The following FANCM variants were observed in gnomAD, a reference collection of about 807,000 sequenced individuals.
FANCM encodes Fanconi anemia group M protein.
In FANCM, 140 loss-of-function variants were observed where a neutral mutation model predicts 199.5. That is an observed-to-expected ratio of 0.70 (90% CI 0.61 to 0.81). FANCM has a LOEUF of 0.81. Among genes scored for constraint, FANCM ranks in the 30% least tolerant of loss-of-function variants. The pLI is 0.00. For missense variants in FANCM, 2,410 were observed against 2,421.4 expected, an observed-to-expected ratio of 1.00 and a Z score of 0.10; for synonymous variants, 840 against 836.8, an observed-to-expected ratio of 1.00 and a Z score of -0.07.
intron 17 of FANCM, among the ~76,000 whole-genome samples, chr14:45,184,138 C>G (rs545686821): frequency 1.3e-5 from 2 of 151,680 alleles, no homozygotes; most frequent in African/African-American, 4.8e-5. Flanking sequence ...TACCAAAAAA[C>G]TCAAGTGTAT....
At position 45,155,384 on chromosome 14, in the gene FANCM, A is replaced by G; in HGVS notation, c.1321A>G (p.Lys441Glu). 1 of 1,376,532 alleles carries G rather than the reference A, an allele frequency of 7.3e-7. No homozygotes were observed. Among genetic ancestry groups the G allele is most frequent in the Non-Finnish European group, 1.0e-6 (1 of 968,066 alleles). 85.3% of individuals were successfully genotyped at this position (1,376,532 alleles called of 1,614,324 possible). The change falls in exon 8 of 23, where the codon AAA becomes GAA. Residue 441 changes from lysine to glutamate, a missense_variant. Coordinates refer to ENST00000267430, the MANE Select transcript of FANCM (RefSeq NM_020937.4). Reference protein sequence around the residue: ...ISAIQQGDKNKKFVYSHPKLK... With the variant: ...ISAIQQGDKNEKFVYSHPKLK... Reference sequence around the variant, plus strand: ...TTGTTTTGTTCCAGGAGATAAAAATAAAAAATTTGTTTATAGTCATCCAAA... The same window carrying G: ...TTGTTTTGTTCCAGGAGATAAAAATGAAAAATTTGTTTATAGTCATCCAAA...
chr14:45,184,100 C>T (rs1889238167), intron 17 of FANCM, among the ~76,000 whole-genome samples, 198 bp downstream of exon 17: 1 of 151,616 alleles, frequency 6.6e-6, no homozygotes, highest in Non-Finnish European at 1.5e-5. Context: ...GATGCTTTAT[C>T]TTGCAGTGTT....
chr14:45,199,103 G>C (rs796104425), intron 22 of FANCM, among the ~76,000 whole-genome samples, 168 bp downstream of exon 22: 22 of 152,214 alleles, frequency 1.4e-4, no homozygotes, highest in African/African-American at 5.1e-4. Context: ...ATGAAGCTAA[G>C]GGACATTATT....
At chr14:45,179,719 G>A (rs1325805750) in intron 14 of FANCM, among the ~76,000 whole-genome samples, 2 of 151,622 alleles carry the variant, frequency 1.3e-5, no homozygotes, top group South Asian at 2.1e-4. Flanking sequence ...CTGCCACCAC[G>A]CCCGACTAAT....
chr14:45,185,263 AAGATGCAGAATATGTTTCATC>A lies in FANCM; in HGVS notation c.4568_4588del (p.Ala1523_Asp1529del). 1 of 1,604,566 alleles carries A rather than the reference AAGATGCAGAATATGTTTCATC, an allele frequency of 6.2e-7. No homozygotes were observed. Among genetic ancestry groups the A allele is most frequent in the Non-Finnish European group, 8.5e-7 (1 of 1,172,364 alleles). On this transcript the variant is annotated inframe_deletion, in exon 18 of 23. Coordinates refer to ENST00000267430, the MANE Select transcript of FANCM (RefSeq NM_020937.4). ...GATGATGAAGCAGAACTTTCTGAAG[AAGATGCAGAATATGTTTCATC>A]AGATGAAAATGATGAGTCAGAAAAT...
At chr14:45,199,494 A>G (rs1890245808) in intron 22 of FANCM, among the ~76,000 whole-genome samples, 1 of 152,214 alleles carries the variant, frequency 6.6e-6, no homozygotes, top group African/African-American at 2.4e-5. Context: ...GTATCCTCAC[A>G]TGGCAGAAAT....
intron 11 of FANCM, among the ~76,000 whole-genome samples, chr14:45,169,905 T>C (rs1481489430): frequency 2.6e-5 from 4 of 152,194 alleles, no homozygotes; most frequent in African/African-American, 9.6e-5. Flanking sequence ...TTACTCATTT[T>C]GCCCCAACCC....
At chr14:45,199,365 G>A (rs1247904849) in intron 22 of FANCM, among the ~76,000 whole-genome samples, 1 of 152,202 alleles carries the variant, frequency 6.6e-6, no homozygotes, top group Non-Finnish European at 1.5e-5. Flanking sequence ...ATGCTGCAAT[G>A]ATAAAATACA....
At chr14:45,193,568 A>T (rs909767347) in intron 20 of FANCM, among the ~76,000 whole-genome samples, 1 of 152,200 alleles carries the variant, frequency 6.6e-6, no homozygotes. Context: ...TTCGTTAATG[A>T]TATAAAAGTC....
intron 3 of FANCM, among the ~76,000 whole-genome samples, chr14:45,147,863 C>G (rs1257413772): frequency 6.8e-6 from 1 of 147,664 alleles, no homozygotes; most frequent in Non-Finnish European, 1.5e-5. Flanking sequence ...TGCCATTGCA[C>G]TGCAGCCTGG....
intron 20 of FANCM, among the ~76,000 whole-genome samples, chr14:45,193,991 G>C (rs1254753859): frequency 6.6e-6 from 1 of 151,980 alleles, no homozygotes; most frequent in African/African-American, 2.4e-5. Context: ...ATTAAAATCT[G>C]CAAAAGAATT....
At chr14:45,162,751 A>G (rs976456169) in intron 9 of FANCM, among the ~76,000 whole-genome samples, 1 of 152,226 alleles carries the variant, frequency 6.6e-6, no homozygotes, top group African/African-American at 2.4e-5. Context: ...AATTAATATC[A>G]ATCTTAAGCA....
rs977966881 is a variant in FANCM at position 45,189,635 on chromosome 14, G to A, written c.5340+273G>A. ...TATTAAAAGGTTGTGGGAAAATAGG[G>A]CTTTCTGCAAGGCAAAATTAACTGA... On this transcript the variant is annotated intron_variant, in intron 20 of 22. Coordinates refer to ENST00000267430, the MANE Select transcript of FANCM (RefSeq NM_020937.4). Among the ~76,000 whole-genome samples, 3 of 152,208 alleles carry A rather than the reference G, an allele frequency of 2.0e-5. No individual in the cohort carries two copies. In the South Asian group the frequency reaches 6.2e-4, roughly 32 times the overall value.
chr14:45,153,699 G>T (rs528488151), intron 5 of FANCM, among the ~76,000 whole-genome samples: 1 of 152,084 alleles, frequency 6.6e-6, no homozygotes, highest in African/African-American at 2.4e-5. Flanking sequence ...AAATAAAGGG[G>T]CAGATTTTAC....
chr14:45,170,278 A>G (rs1888254005), intron 11 of FANCM, among the ~76,000 whole-genome samples: 1 of 152,192 alleles, frequency 6.6e-6, no homozygotes, highest in South Asian at 2.1e-4. Flanking sequence ...ACTAGTTTTA[A>G]GGAATAGAAT....
In FANCM at chr14:45,170,650, G is replaced by T. The variant is rs1888278759; in HGVS notation, c.2064G>T (p.Trp688Cys). The T allele has an allele frequency of 6.2e-7, 1 of 1,603,004 alleles. No individual in the cohort carries two copies. The highest frequency in any genetic ancestry group is 2.2e-5 in the East Asian group (1 of 44,746). The change falls in exon 12 of 23, where the codon TGG becomes TGT. Residue 688 changes from tryptophan to cysteine, a missense_variant. Physicochemically the swap from Trp to Cys is radical, Grantham distance 215. Coordinates refer to ENST00000267430, the MANE Select transcript of FANCM (RefSeq NM_020937.4). Reference protein sequence around the residue: ...WFLSEEEFKLWNRLYRLRDSD... With the variant: ...WFLSEEEFKLCNRLYRLRDSD... The stretch of plus-strand genomic sequence containing the variant: ...TATCAGAAGAAGAATTTAAATTATG[G>T]AACAGACTTTATAGATTAAGGGACA...
chr14:45,164,830 A>C (rs1465622515), intron 10 of FANCM, among the ~76,000 whole-genome samples: 1 of 152,180 alleles, frequency 6.6e-6, no homozygotes, highest in Non-Finnish European at 1.5e-5. Flanking sequence ...ACCAATATCT[A>C]TTACTTTGTT....
chr14:45,149,065 A>G, intron 4 of FANCM, 70 bp downstream of exon 4: 1 of 1,177,038 alleles, frequency 8.5e-7, no homozygotes. Flanking sequence ...AGCTAACAGG[A>G]TTTGGATGTG....
chr14:45,160,082 C>A (rs1887487352), intron 9 of FANCM, among the ~76,000 whole-genome samples: 1 of 148,190 alleles, frequency 6.7e-6, no homozygotes, highest in African/African-American at 2.5e-5. Context: ...CTCACTGCAA[C>A]CTCCGCCTCC....
Sources: allele counts gnomAD v4.1 joint callset (sites outside exome capture counted in the v4.1 genomes callset), GRCh38; gene constraint gnomAD v4.1.1; transcripts MANE v1.5; gene names NCBI Gene and HGNC (gene_info 2026-07-23, HGNC 2026-07-21).